CRADD: variants seen among roughly 807,000 people sequenced by gnomAD.
CRADD encodes CARD and death domain containing adaptor protein.
CRADD carries 9 observed loss-of-function variants against 15.5 expected under a neutral mutation model. The observed-to-expected ratio is 0.58, with a 90% confidence interval of 0.35 to 1.01. The LOEUF is 1.01. Among genes scored for constraint, CRADD ranks in the 50% least tolerant of loss-of-function variants. The pLI, the probability that CRADD is intolerant of heterozygous loss-of-function variation, is 0.02. For missense variants in CRADD, 227 were observed against 250.3 expected (o/e 0.91, Z 0.63); for synonymous variants, 118 against 107.6 (o/e 1.10, Z -0.60).
chr12:93,824,395 AAC>A lies in CRADD; in HGVS notation c.299-25564_299-25563del, dbSNP rs1262294370. ...AAAGCTGCTTCTGTGCTCTTTGGAA[AAC>A]ACACACACACTCATACACACACATA... On this transcript the variant is annotated intron_variant, in intron 2 of 2. Coordinates refer to ENST00000332896, the MANE Select transcript of CRADD (RefSeq NM_003805.5). The surrounding 1 kb of genome is among the most constrained non-coding windows in gnomAD (Gnocchi z 4.3). Among the ~76,000 whole-genome samples, 7 of 143,800 alleles carry A rather than the reference AAC, an allele frequency of 4.9e-5. No homozygotes were observed. Among genetic ancestry groups the A allele is most frequent in the East Asian group, 4.4e-4 (2 of 4,522 alleles). 94.3% of individuals were successfully genotyped at this position (143,800 alleles called of 152,430 possible). A position where few individuals can be genotyped will look rare whatever the true frequency, so the allele number is the denominator to read the frequency against.
At chr12:93,721,333 G>A (rs1211897697) in intron 2 of CRADD, among the ~76,000 whole-genome samples, 1 of 151,994 alleles carries the variant, frequency 6.6e-6, no homozygotes, top group East Asian at 1.9e-4. Context: ...ACTAATACAT[G>A]GGCAGTGTAT....
intron 2 of CRADD, among the ~76,000 whole-genome samples, chr12:93,765,448 A>G (rs573137290): frequency 2.0e-5 from 3 of 152,336 alleles, no homozygotes; most frequent in Admixed American, 6.5e-5. Flanking sequence ...CAGATTCACA[A>G]AGTGTACCTG....
chr12:93,713,727 T>A (rs1225697070), intron 2 of CRADD, among the ~76,000 whole-genome samples: 1 of 152,210 alleles, frequency 6.6e-6, no homozygotes, highest in Non-Finnish European at 1.5e-5. Context: ...GGGCTGACTA[T>A]ATCATACACA....
intron 2 of CRADD, among the ~76,000 whole-genome samples, chr12:93,784,507 C>T (rs1407887778): frequency 6.6e-6 from 1 of 152,062 alleles, no homozygotes; most frequent in East Asian, 1.9e-4. Flanking sequence ...GTGCAGTCTC[C>T]AAGCACCAGC....
intron 2 of CRADD, among the ~76,000 whole-genome samples, chr12:93,833,764 A>AT (rs920868053): frequency 7.2e-5 from 11 of 151,842 alleles, no homozygotes; most frequent in Non-Finnish European, 1.3e-4. Context: ...TAAAAATGTT[A>AT]TTTTTTCCCC....
intron 2 of CRADD, among the ~76,000 whole-genome samples, chr12:93,782,899 C>T (rs145163432): frequency 6.6e-6 from 1 of 152,032 alleles, no homozygotes; most frequent in Admixed American, 6.5e-5. Flanking sequence ...TAGGGAAATA[C>T]GTGAAATCAG....
chr12:93,790,492 A>ATAAC (rs35625321), intron 2 of CRADD, among the ~76,000 whole-genome samples: 62,793 of 151,478 alleles, frequency 0.41, 13,443 homozygotes, highest in East Asian at 0.7. Context: ...AAACTCAACT[A>ATAAC]AAGCATGGTC....
At chr12:93,696,503 A>ATC (rs1190870306) in intron 2 of CRADD, among the ~76,000 whole-genome samples, 1 of 152,208 alleles carries the variant, frequency 6.6e-6, no homozygotes, top group Non-Finnish European at 1.5e-5. Context: ...ATACCATATA[A>ATC]TCTCACTTAT....
intron 2 of CRADD, among the ~76,000 whole-genome samples, chr12:93,856,464 C>G (rs747436885): frequency 2.0e-5 from 3 of 152,160 alleles, no homozygotes; most frequent in Non-Finnish European, 4.4e-5. Flanking sequence ...GCAACTATGG[C>G]AAGCACAGAG....
chr12:93,772,224 C>A (rs1957091921), intron 2 of CRADD, among the ~76,000 whole-genome samples: 1 of 152,186 alleles, frequency 6.6e-6, no homozygotes, highest in Non-Finnish European at 1.5e-5. Context: ...GTTTCTGTCT[C>A]CCATATTGAC....
chr12:93,679,111 T>C (rs1447996128), intron 2 of CRADD, 39 bp downstream of exon 2: 5 of 1,502,524 alleles, frequency 3.3e-6, no homozygotes, highest in Non-Finnish European at 4.6e-6. Flanking sequence ...AGCTCCAAAA[T>C]GTTGTAACTA....
At chr12:93,806,238 G>T (rs1035530990) in intron 2 of CRADD, among the ~76,000 whole-genome samples, 1 of 151,984 alleles carries the variant, frequency 6.6e-6, no homozygotes, top group African/African-American at 2.4e-5. Context: ...CGGATCAAAA[G>T]ATCAGGAGTT....
intron 2 of CRADD, chr12:93,737,971 T>C (rs1375462656): frequency 3.0e-6 from 1 of 338,472 alleles, no homozygotes; most frequent in Non-Finnish European, 5.3e-6. Flanking sequence ...AAGCTCATTA[T>C]ATAAATTCAC....
chr12:93,843,384 C>CTTTT (rs200332416), intron 2 of CRADD, among the ~76,000 whole-genome samples: 1 of 135,054 alleles, frequency 7.4e-6, no homozygotes, highest in Non-Finnish European at 1.6e-5. Flanking sequence ...TCTTTTTATT[C>CTTTT]TTTTTTTTTT....
At chr12:93,766,005 A>T (rs1957023231) in intron 2 of CRADD, among the ~76,000 whole-genome samples, 1 of 152,220 alleles carries the variant, frequency 6.6e-6, no homozygotes, top group African/African-American at 2.4e-5. Flanking sequence ...GACATTCCTT[A>T]AAAAGGTAGT....
At chr12:93,786,873 C>T (rs1325462940) in intron 2 of CRADD, among the ~76,000 whole-genome samples, 1 of 152,124 alleles carries the variant, frequency 6.6e-6, no homozygotes, top group Non-Finnish European at 1.5e-5. Context: ...ATTTTGAAAA[C>T]ATTTGCTGCA....
intron 2 of CRADD, among the ~76,000 whole-genome samples, chr12:93,843,305 C>G (rs12310878): frequency 0.19 from 28,568 of 151,794 alleles, 3,032 homozygotes; most frequent in East Asian, 0.43. Context: ...ATTTGGGGTC[C>G]CCTTGTTTAA....
At position 93,767,083 on chromosome 12, in the gene CRADD, A is replaced by G. The variant is rs553969019; in HGVS notation, c.299-82887A>G. Among the ~76,000 whole-genome samples, 432 of 152,330 alleles carry G rather than the reference A, an allele frequency of 2.8e-3. 2 individuals carry two copies. Among genetic ancestry groups the G allele is most frequent in the African/African-American group, 0.01 (418 of 41,570 alleles). On this transcript the variant is annotated intron_variant, in intron 2 of 2. Transcript: ENST00000332896. ...TTGTCCTTTCTGTCTGGTTCTAGGGAAAAAGCCCATTGCCTGTGCTTTCTA... is the reference window on the plus strand; with the variant it reads ...TTGTCCTTTCTGTCTGGTTCTAGGGGAAAAGCCCATTGCCTGTGCTTTCTA...
At chr12:93,840,480 G>C (rs1343628416) in intron 2 of CRADD, among the ~76,000 whole-genome samples, 1 of 151,884 alleles carries the variant, frequency 6.6e-6, no homozygotes, top group Non-Finnish European at 1.5e-5. Context: ...ATTTTTCTAT[G>C]TATTAGGTCA....
Sources: gnomAD v4.1 joint callset for allele counts (sites outside exome capture counted in the v4.1 genomes callset) on GRCh38, gnomAD v4.1.1 for gene constraint, Gnocchi (gnomAD v3.1) non-coding constraint, MANE v1.5 for transcripts, NCBI Gene and HGNC (gene_info 2026-07-23, HGNC 2026-07-21) for gene names.